Variants in PITPNM3 observed in about 807,000 individuals in gnomAD.
PITPNM3 encodes PITPNM family member 3, also known as membrane-associated phosphatidylinositol transfer protein 3.
A neutral mutation model predicts 102.0 loss-of-function variants in PITPNM3; 26 were observed. The observed-to-expected ratio is 0.25, with a 90% confidence interval of 0.19 to 0.35. The LOEUF (loss-of-function observed/expected upper bound fraction) is 0.35. Among genes scored for constraint, PITPNM3 ranks in the 10% least tolerant of loss-of-function variants. PITPNM3 has a pLI of 1.00. For synonymous variants in PITPNM3, 578 were observed against 558.6 expected, an observed-to-expected ratio of 1.03 and a Z score of -0.49; for missense variants, 1,083 against 1,346.1, an observed-to-expected ratio of 0.80 and a Z score of 3.06.
intron 6 of PITPNM3, among the ~76,000 whole-genome samples, chr17:6,482,064 CTG>C (rs760627294): frequency 0.017 from 971 of 58,118 alleles, 46 homozygotes; most frequent in Non-Finnish European, 0.033. Context: ...CTCTCTCTCT[CTG>C]TCTCTCTCTC....
intron 1 of PITPNM3, among the ~76,000 whole-genome samples, chr17:6,555,035 T>C (rs1202128519): frequency 6.6e-6 from 1 of 152,108 alleles, no homozygotes; most frequent in Non-Finnish European, 1.5e-5. Context: ...CCACAGGCCA[T>C]TTTAAGGAGT....
At chr17:6,497,434 G>A (rs1240278180) in intron 4 of PITPNM3, among the ~76,000 whole-genome samples, 1 of 152,342 alleles carries the variant, frequency 6.6e-6, no homozygotes, top group East Asian at 1.9e-4. Flanking sequence ...TCCAGGACCA[G>A]GGGCTGGAGT....
rs1567654984 is a variant in PITPNM3, at chr17:6,453,001, T to TG, written c.*2336_*2337insC. ...TCCTCTCTCTCTCTCTCTGTCTTCCTTTCTCTCTCTCTCTCTCTCTCTGCC... is the reference window on the plus strand; with the variant it reads ...TCCTCTCTCTCTCTCTCTGTCTTCCTGTTCTCTCTCTCTCTCTCTCTCTGCC... On this transcript the variant is annotated 3_prime_UTR_variant, in exon 20 of 20. Transcript: ENST00000262483. 2.5e-4 allele frequency: 12 copies of TG among 47,236 alleles called. No homozygotes were observed. The highest frequency in any genetic ancestry group is 7.5e-4 in the African/African-American group (12 of 16,020). The allele number at this position is 47,236 out of a possible 1,614,324, so 2.9% of individuals were successfully genotyped here.
chr17:6,461,544 G>C lies in PITPNM3; in HGVS notation c.2319C>G (p.Asp773Glu). 1 of 1,614,204 alleles carries C rather than the reference G, an allele frequency of 6.2e-7. No homozygotes were observed. Among genetic ancestry groups the C allele is most frequent in the South Asian group, 1.1e-5 (1 of 91,088 alleles). Reference protein sequence around the residue: ...GAVDVVRHWQDLGYMILYITG... With the variant: ...GAVDVVRHWQELGYMILYITG... ...TGATGTAAAGGATCATGTAGCCCAA[G>C]TCCTGCCAGTGCCTGGTGAGATGGC... Residue 773 changes from aspartate to glutamate, a missense_variant, in exon 18 of 20, where the codon GAC becomes GAG. Transcript: ENST00000262483.
At chr17:6,536,828 C>A (rs1229376091) in intron 2 of PITPNM3, among the ~76,000 whole-genome samples, 2 of 152,204 alleles carry the variant, frequency 1.3e-5, no homozygotes, top group African/African-American at 4.8e-5. Flanking sequence ...TAAGTCAACA[C>A]CCTAAATATG....
rs1904318262 is a variant in PITPNM3, at chr17:6,458,461, G to A, written c.2491-739C>T. ...CCCCACCATCACTGGGATGACCCACGGTCTGCATGACGTGAAGGATCTACC... is the reference window on the plus strand; with the variant it reads ...CCCCACCATCACTGGGATGACCCACAGTCTGCATGACGTGAAGGATCTACC... On this transcript the variant is annotated intron_variant, in intron 18 of 19. Coordinates refer to ENST00000262483, the MANE Select transcript of PITPNM3 (RefSeq NM_031220.4). The surrounding 1 kb of genome is among the most constrained non-coding windows in gnomAD (Gnocchi z 5.1). Among the ~76,000 whole-genome samples, 1 of 152,242 alleles carries A rather than the reference G, an allele frequency of 6.6e-6. No homozygotes were observed. The highest frequency in any genetic ancestry group is 3.4e-3 in the Middle Eastern group (1 of 294).
At chr17:6,545,856 T>C (rs1909994505) in intron 1 of PITPNM3, among the ~76,000 whole-genome samples, 1 of 152,184 alleles carries the variant, frequency 6.6e-6, no homozygotes, top group Non-Finnish European at 1.5e-5. Flanking sequence ...GGGTTCCCCC[T>C]GAGCAGACAC....
At chr17:6,476,380 C>T (rs879652114) in intron 9 of PITPNM3, among the ~76,000 whole-genome samples, 4 of 152,170 alleles carry the variant, frequency 2.6e-5, no homozygotes, top group African/African-American at 4.8e-5. Context: ...AATTTGGGTC[C>T]AAGTTCAATT....
chr17:6,490,682 G>A (rs1191629368), intron 4 of PITPNM3, among the ~76,000 whole-genome samples: 6 of 152,046 alleles, frequency 3.9e-5, no homozygotes, highest in South Asian at 2.1e-4. Context: ...GGGGCCGGGC[G>A]CAGTGGCTCA....
chr17:6,502,237 G>A (rs1165812921), intron 4 of PITPNM3, among the ~76,000 whole-genome samples: 1 of 152,240 alleles, frequency 6.6e-6, no homozygotes, highest in Admixed American at 6.5e-5. Context: ...ATCACCTGAG[G>A]TCAGGAGTTC....
At chr17:6,523,118 G>A (rs1908635232) in intron 3 of PITPNM3, among the ~76,000 whole-genome samples, 1 of 152,066 alleles carries the variant, frequency 6.6e-6, no homozygotes, top group East Asian at 1.9e-4. Context: ...GTACTGGGAG[G>A]AAATAGTACC....
At position 6,470,542 on chromosome 17, in the gene PITPNM3, C is replaced by G. The variant is rs1226462322; in HGVS notation, c.1625-134G>C. 2 of 1,186,878 alleles carry G rather than the reference C, an allele frequency of 1.7e-6. No individual in the cohort carries two copies. The highest frequency in any genetic ancestry group is 2.5e-6 in the Non-Finnish European group (2 of 814,150). The allele number at this position is 1,186,878 out of a possible 1,614,324, so 73.5% of individuals were successfully genotyped here. A position where few individuals can be genotyped will look rare whatever the true frequency, so the allele number is the denominator to read the frequency against. On this transcript the variant is annotated intron_variant, in intron 12 of 19. Transcript: ENST00000262483. The surrounding 1 kb of genome is among the most constrained non-coding windows in gnomAD (Gnocchi z 4.8). Reference sequence around the variant, plus strand: ...ACGGGTTTGGGCGGGAGCACCCTGGCCTGGAGGAGGCCTGGGGAACGCGCT... The same window carrying G: ...ACGGGTTTGGGCGGGAGCACCCTGGGCTGGAGGAGGCCTGGGGAACGCGCT...
chr17:6,476,894 C>A (rs1308552837), intron 9 of PITPNM3, 135 bp downstream of exon 9: 2 of 1,102,726 alleles, frequency 1.8e-6, no homozygotes, highest in Non-Finnish European at 1.3e-6. Context: ...GGGCCGATGG[C>A]GAGTGGCCTT....
intron 1 of PITPNM3, among the ~76,000 whole-genome samples, chr17:6,548,968 A>G (rs1388037733): frequency 6.6e-6 from 1 of 152,102 alleles, no homozygotes; most frequent in African/African-American, 2.4e-5. Context: ...TCATCTGGGA[A>G]GAGGAACACC....
At chr17:6,466,118 G>T (rs1223009975) in intron 14 of PITPNM3, among the ~76,000 whole-genome samples, 2 of 152,192 alleles carry the variant, frequency 1.3e-5, no homozygotes, top group Non-Finnish European at 2.9e-5. Flanking sequence ...CTTTCTGCCA[G>T]GCTCTGCAGC....
chr17:6,464,395 A>G, intron 15 of PITPNM3, 77 bp from the exon 16 acceptor site: 22 of 1,472,062 alleles, frequency 1.5e-5, no homozygotes, highest in Non-Finnish European at 2.1e-5. Flanking sequence ...GGGCGGGGGA[A>G]CTCTGGGCTG....
At position 6,455,360 on chromosome 17, in the gene PITPNM3, G is replaced by A. The variant is rs370387588; in HGVS notation, c.2903C>T (p.Pro968Leu). The A allele has an allele frequency of 6.3e-7, 1 of 1,583,530 alleles. No homozygotes were observed. Residue 968 changes from proline (P) to leucine (L), a missense_variant, in exon 20 of 20, where the codon CCC becomes CTC. By Grantham distance (98) the Pro-to-Leu change is moderately conservative. This residue lies in a region of PITPNM3 where 208 missense variants were observed against 178.2 expected (regional missense o/e 1.17). Transcript: ENST00000262483. ...LPALSWARGP[P>L]KFESVP ...CCCTCAGGGCACCGACTCGAACTTG[G>A]GGGGCCCACGCGCCCAGCTGAGCGC...
intron 1 of PITPNM3, among the ~76,000 whole-genome samples, chr17:6,551,930 G>C (rs888768598): frequency 6.6e-6 from 1 of 152,034 alleles, no homozygotes; most frequent in Non-Finnish European, 1.5e-5. Flanking sequence ...AGCAGAGCAA[G>C]GTCCAAACTC....
At chr17:6,494,131 C>T (rs1003697278) in intron 4 of PITPNM3, among the ~76,000 whole-genome samples, 3 of 152,122 alleles carry the variant, frequency 2.0e-5, no homozygotes, top group African/African-American at 7.2e-5. Flanking sequence ...GAGTACTCTC[C>T]CCATCTTAAA....
Sources: gnomAD v4.1 joint callset for allele counts (sites outside exome capture counted in the v4.1 genomes callset) on GRCh38, gnomAD v4.1.1 for gene constraint, gnomAD v4.1.1 regional missense constraint, Gnocchi (gnomAD v3.1) non-coding constraint, MANE v1.5 for transcripts, NCBI Gene and HGNC (gene_info 2026-07-23, HGNC 2026-07-21) for gene names.